AFG2A: variants seen among roughly 807,000 people sequenced by gnomAD.
AFG2A encodes the protein ATPase family gene 2 protein homolog A.
chr4:122,980,844 G>GT, the AFG2A span, among the ~76,000 whole-genome samples: 36 of 148,642 alleles, frequency 2.4e-4, no homozygotes, highest in South Asian at 4.3e-4. Context: ...CAGATTGTTT[G>GT]TTTTTTTTTG....
the AFG2A span, among the ~76,000 whole-genome samples, chr4:122,939,075 C>CTCT: frequency 2.0e-5 from 2 of 102,188 alleles, no homozygotes; most frequent in African/African-American, 3.6e-5. Flanking sequence ...TATGTTCTTT[C>CTCT]TTTTTTTTTT....
the AFG2A span, chr4:123,028,095 A>G: frequency 9.7e-7 from 1 of 1,032,344 alleles, no homozygotes; most frequent in Non-Finnish European, 1.4e-6. Flanking sequence ...TCTTTTTTGC[A>G]GTTCTTCTGT....
the AFG2A span, among the ~76,000 whole-genome samples, chr4:123,298,798 T>G: frequency 6.6e-6 from 1 of 152,236 alleles, no homozygotes. Context: ...CAAAACTTAA[T>G]GTAATCTTCC....
the AFG2A span, among the ~76,000 whole-genome samples, chr4:123,267,170 G>T: frequency 1.3e-5 from 2 of 151,958 alleles, no homozygotes; most frequent in Non-Finnish European, 1.5e-5. Flanking sequence ...CAATGCAGTG[G>T]TTACCTTGTT....
At chr4:123,256,672 C>T in the AFG2A span, 2 of 983,872 alleles carry the variant, frequency 2.0e-6, no homozygotes, top group South Asian at 9.4e-5. Context: ...CAAGTTATCT[C>T]AGTCTAATTT....
At chr4:123,244,054 G>A in the AFG2A span, among the ~76,000 whole-genome samples, 1 of 151,782 alleles carries the variant, frequency 6.6e-6, no homozygotes, top group South Asian at 2.1e-4. Context: ...AAGTAATAGA[G>A]CCAGAATTTT....
chr4:123,187,211 G>C, the AFG2A span, among the ~76,000 whole-genome samples: 1 of 152,120 alleles, frequency 6.6e-6, no homozygotes, highest in African/African-American at 2.4e-5. Context: ...GTTCTTTATG[G>C]TGTGCATTTG....
the AFG2A span, chr4:122,935,984 T>C: frequency 5.4e-5 from 71 of 1,303,152 alleles, 1 homozygote; most frequent in South Asian, 8.4e-4. Flanking sequence ...TTTGGAAAAT[T>C]CTTTTTGAAA....
the AFG2A span, among the ~76,000 whole-genome samples, chr4:123,301,620 A>T: frequency 6.6e-6 from 1 of 152,164 alleles, no homozygotes; most frequent in African/African-American, 2.4e-5. Context: ...AATATAAATA[A>T]TCCTATTTTC....
the AFG2A span, among the ~76,000 whole-genome samples, chr4:123,210,547 T>A: frequency 6.6e-6 from 1 of 152,220 alleles, no homozygotes; most frequent in African/African-American, 2.4e-5. Context: ...CTGAATAGTA[T>A]TCCATTTTGT....
chr4:122,954,391 A>C, the AFG2A span, among the ~76,000 whole-genome samples: 1 of 152,192 alleles, frequency 6.6e-6, no homozygotes, highest in Admixed American at 6.5e-5. Context: ...TCTTTCAGGC[A>C]GAGACAAGTT....
the AFG2A span, among the ~76,000 whole-genome samples, chr4:123,204,167 G>A: frequency 2.0e-5 from 3 of 152,090 alleles, no homozygotes; most frequent in Non-Finnish European, 4.4e-5. Context: ...TTTCATCTAC[G>A]ACCTTTATTT....
the AFG2A span, among the ~76,000 whole-genome samples, chr4:123,194,326 A>G: frequency 6.6e-6 from 1 of 152,218 alleles, no homozygotes; most frequent in Non-Finnish European, 1.5e-5. Context: ...AGCTTTTTAA[A>G]AAATTGCAAA....
the AFG2A span, among the ~76,000 whole-genome samples, chr4:123,301,207 A>G: frequency 2.0e-5 from 3 of 152,200 alleles, no homozygotes; most frequent in Non-Finnish European, 2.9e-5. Flanking sequence ...TCTTAGATCC[A>G]TCTAGATATC....
At chr4:123,112,050 G>T in the AFG2A span, among the ~76,000 whole-genome samples, 1 of 152,204 alleles carries the variant, frequency 6.6e-6, no homozygotes, top group East Asian at 1.9e-4. Context: ...AGAACTTTAT[G>T]AACACTATTA....
chr4:122,925,848 A>G, the AFG2A span, among the ~76,000 whole-genome samples: 2 of 152,238 alleles, frequency 1.3e-5, no homozygotes, highest in Non-Finnish European at 2.9e-5. Context: ...AGTGCCTAGC[A>G]TAGTATCTTT....
chr4:123,309,056 C>T, the AFG2A span, among the ~76,000 whole-genome samples: 88 of 152,256 alleles, frequency 5.8e-4, no homozygotes, highest in African/African-American at 2.0e-3. Flanking sequence ...AAAAGCTATG[C>T]TAATAAGCAA....
chr4:123,196,727 C>G, the AFG2A span, among the ~76,000 whole-genome samples: 1 of 152,022 alleles, frequency 6.6e-6, no homozygotes, highest in Non-Finnish European at 1.5e-5. Context: ...TAAGGCTTCC[C>G]AAGTTTGTTA....
the AFG2A span, among the ~76,000 whole-genome samples, chr4:123,192,705 T>C: frequency 1.3e-5 from 2 of 152,142 alleles, no homozygotes; most frequent in African/African-American, 4.8e-5. Flanking sequence ...GAGTCTAGCT[T>C]CTCTCCCCCT....
Sources: gnomAD v4.1 joint callset for allele counts (sites outside exome capture counted in the v4.1 genomes callset) on GRCh38, gnomAD v4.1.1 for gene constraint, MANE v1.5 for transcripts, NCBI Gene and HGNC (gene_info 2026-07-23, HGNC 2026-07-21) for gene names.